The following FAM216A variants were observed in gnomAD, a reference collection of about 807,000 sequenced individuals.
The protein encoded by FAM216A is family with sequence similarity 216 member A.
Under a neutral mutation model 37.6 loss-of-function variants are expected in FAM216A, and 26 were observed. The observed-to-expected ratio is 0.69, with a 90% CI of 0.51 to 0.96. FAM216A has a LOEUF of 0.96. Among genes scored for constraint, FAM216A ranks in the 40% least tolerant of loss-of-function variants. FAM216A has a pLI of 0.00. For missense variants in FAM216A, 326 were observed against 339.3 expected, an observed-to-expected ratio of 0.96 and a Z score of 0.31; for synonymous variants, 110 against 121.7, an observed-to-expected ratio of 0.90 and a Z score of 0.64.
intron 2 of FAM216A, among the ~76,000 whole-genome samples, chr12:110,474,827 C>T (rs1306927791): frequency 6.6e-6 from 1 of 150,896 alleles, no homozygotes; most frequent in Non-Finnish European, 1.5e-5. Flanking sequence ...CATAGAGAAA[C>T]CCCGTCTCTA....
At chr12:110,473,786 T>C (rs1373934544) in intron 2 of FAM216A, among the ~76,000 whole-genome samples, 2 of 152,182 alleles carry the variant, frequency 1.3e-5, no homozygotes, top group Non-Finnish European at 2.9e-5. Flanking sequence ...AGTGCTGATG[T>C]TTTCCTCTCA....
At position 110,473,089 on chromosome 12, in the gene FAM216A, A is replaced by T. The variant is rs1429214316; in HGVS notation, c.155A>T (p.Tyr52Phe). ...TATTTTTTCAACAGATCAGCTGGAT[A>T]CTCTTGTTACCAGAATTCCAAAGGT... ...TEGGGGGSAGYSCYQNSKGSD... is the reference protein window; with the variant it reads ...TEGGGGGSAGFSCYQNSKGSD... Residue 52 changes from tyrosine (Y) to phenylalanine (F), a missense_variant, in exon 2 of 7, where the codon TAC becomes TTC. By Grantham distance (22) the Tyr-to-Phe change is conservative. Coordinates refer to ENST00000377673, the MANE Select transcript of FAM216A (RefSeq NM_013300.3). 27 of 1,556,558 alleles carry T rather than the reference A, an allele frequency of 1.7e-5. No individual in the cohort carries two copies. Among genetic ancestry groups the T allele is most frequent in the Non-Finnish European group, 2.2e-5 (25 of 1,139,622 alleles).
At chr12:110,478,926 C>T (rs2062730583) in intron 2 of FAM216A, among the ~76,000 whole-genome samples, 1 of 152,118 alleles carries the variant, frequency 6.6e-6, no homozygotes. Flanking sequence ...CGGTGGCTCA[C>T]GTCTGTAATC....
At chr12:110,477,334 A>C (rs1377412250) in intron 2 of FAM216A, among the ~76,000 whole-genome samples, 1 of 152,072 alleles carries the variant, frequency 6.6e-6, no homozygotes, top group Non-Finnish European at 1.5e-5. Flanking sequence ...TTCATCCATT[A>C]ATCATCCATT....
intron 6 of FAM216A, 116 bp downstream of exon 6, chr12:110,488,059 C>A: frequency 1.5e-6 from 1 of 668,054 alleles, no homozygotes; most frequent in Non-Finnish European, 2.6e-6. Flanking sequence ...ATATGATTTG[C>A]TTTTATTGTC....
chr12:110,487,671 G>A (rs1046469015), intron 5 of FAM216A, 190 bp from the exon 6 acceptor site: 1 of 576,644 alleles, frequency 1.7e-6, no homozygotes, highest in Admixed American at 3.4e-5. Flanking sequence ...AGATTAAGCA[G>A]CATGAGTATT....
chr12:110,475,494 G>C (rs2062710106), intron 2 of FAM216A, among the ~76,000 whole-genome samples: 1 of 152,024 alleles, frequency 6.6e-6, no homozygotes, highest in Non-Finnish European at 1.5e-5. Context: ...CTCCCGCCTT[G>C]GCCTCCCAAA....
intron 2 of FAM216A, among the ~76,000 whole-genome samples, chr12:110,478,851 T>G (rs191208584): frequency 2.0e-5 from 3 of 152,168 alleles, no homozygotes; most frequent in African/African-American, 7.2e-5. Flanking sequence ...TGTGTTGTTA[T>G]GGCAGCAAAA....
chr12:110,482,065 T>C (rs1459142839), intron 2 of FAM216A, among the ~76,000 whole-genome samples: 6 of 147,742 alleles, frequency 4.1e-5, no homozygotes, highest in Non-Finnish European at 4.5e-5. Context: ...AATGTGCTTA[T>C]TGAATTCAAC....
intron 1 of FAM216A, among the ~76,000 whole-genome samples, chr12:110,469,673 C>G (rs1316007450): frequency 6.6e-6 from 1 of 151,752 alleles, no homozygotes; most frequent in African/African-American, 2.4e-5. Flanking sequence ...CCACGCCCGG[C>G]TAATTTTTGT....
At chr12:110,474,524 T>G (rs1024980460) in intron 2 of FAM216A, among the ~76,000 whole-genome samples, 24 of 151,484 alleles carry the variant, frequency 1.6e-4, no homozygotes, top group Non-Finnish European at 2.6e-4. Flanking sequence ...ACCCCGTCTC[T>G]GCTAAATATA....
chr12:110,486,022 C>T (rs999720769), intron 3 of FAM216A, among the ~76,000 whole-genome samples: 23 of 152,192 alleles, frequency 1.5e-4, no homozygotes, highest in African/African-American at 5.5e-4. Context: ...GATGCCCACA[C>T]TGAGAGGCGC....
chr12:110,481,300 A>C (rs1408814469), intron 2 of FAM216A, among the ~76,000 whole-genome samples: 1 of 152,166 alleles, frequency 6.6e-6, no homozygotes, highest in East Asian at 1.9e-4. Flanking sequence ...TGGAATTATT[A>C]GATTATATGG....
intron 3 of FAM216A, among the ~76,000 whole-genome samples, chr12:110,485,926 A>T (rs1171092493): frequency 6.6e-6 from 1 of 152,196 alleles, no homozygotes; most frequent in Non-Finnish European, 1.5e-5. Flanking sequence ...GCTGGAAAAG[A>T]ATGTTTCTTC....
chr12:110,487,758 G>A, intron 5 of FAM216A, 103 bp from the exon 6 acceptor site: 1 of 733,604 alleles, frequency 1.4e-6, no homozygotes, highest in Non-Finnish European at 2.4e-6. Context: ...GGGTCTTTTT[G>A]GTGATGTTGG....
At chr12:110,474,518 C>T (rs1181190647) in intron 2 of FAM216A, among the ~76,000 whole-genome samples, 4 of 151,166 alleles carry the variant, frequency 2.6e-5, no homozygotes, top group African/African-American at 7.3e-5. Flanking sequence ...GGTGAAACCC[C>T]GTCTCTGCTA....
chr12:110,477,197 T>C (rs899265421), intron 2 of FAM216A, among the ~76,000 whole-genome samples: 1 of 152,214 alleles, frequency 6.6e-6, no homozygotes, highest in Non-Finnish European at 1.5e-5. Context: ...AATGTTGTCA[T>C]CGTTTGGTTC....
intron 1 of FAM216A, among the ~76,000 whole-genome samples, chr12:110,471,963 G>A (rs2062689159): frequency 6.6e-6 from 1 of 152,134 alleles, no homozygotes; most frequent in African/African-American, 2.4e-5. Flanking sequence ...ATGGCGTGGT[G>A]GCTCACACCT....
intron 2 of FAM216A, among the ~76,000 whole-genome samples, chr12:110,476,460 G>A (rs373715375): frequency 2.0e-5 from 3 of 151,700 alleles, no homozygotes; most frequent in Admixed American, 6.6e-5. Flanking sequence ...TACCCGCCTC[G>A]GCCTCCCAAA....
Sources: allele counts gnomAD v4.1 joint callset (sites outside exome capture counted in the v4.1 genomes callset), GRCh38; gene constraint gnomAD v4.1.1; transcripts MANE v1.5; gene names NCBI Gene and HGNC (gene_info 2026-07-23, HGNC 2026-07-21).